DPP10: variants seen among roughly 807,000 people sequenced by gnomAD.
DPP10 encodes inactive dipeptidyl peptidase 10.
Under a neutral mutation model 120.9 loss-of-function variants are expected in DPP10, and 33 were observed. That is an observed-to-expected ratio of 0.27 (90% CI 0.21 to 0.37). The LOEUF (loss-of-function observed/expected upper bound fraction) is 0.37, where lower values mean the gene tolerates loss of function less well. Among genes scored for constraint, DPP10 ranks in the 10% least tolerant of loss-of-function variants. The pLI is 1.00. For synonymous variants in DPP10, 337 were observed against 326.1 expected, an observed-to-expected ratio of 1.03 and a Z score of -0.36; for missense variants, 816 against 942.8, an observed-to-expected ratio of 0.87 and a Z score of 1.76.
intron 1 of DPP10, among the ~76,000 whole-genome samples, chr2:115,044,928 A>G (rs1704946084): frequency 6.6e-6 from 1 of 152,130 alleles, no homozygotes; most frequent in Non-Finnish European, 1.5e-5. Flanking sequence ...AGTTCCATCT[A>G]TGTTGTTGCA....
chr2:115,623,891 TTG>T (rs1308170896), intron 5 of DPP10, among the ~76,000 whole-genome samples: 1 of 147,442 alleles, frequency 6.8e-6, no homozygotes, highest in East Asian at 1.9e-4. Context: ...ACATAGAACA[TTG>T]TTGGTCAAGA....
At chr2:115,077,607 A>G (rs1390571923) in intron 1 of DPP10, among the ~76,000 whole-genome samples, 1 of 152,232 alleles carries the variant, frequency 6.6e-6, no homozygotes, top group African/African-American at 2.4e-5. Context: ...ATGAATCCTA[A>G]AGAGGTGAAA....
rs1374317856 is a variant in DPP10, at chr2:114,663,664, T to TAGAGAGAGAGAG, written c.60+220827_60+220828insGAGAGAGAGAGA. ...AGATATATATATATATATATATATATATATAGAGAGAGAGAGAGAGAGAGA... is the reference window on the plus strand; with the variant it reads ...AGATATATATATATATATATATATATAGAGAGAGAGAGATATAGAGAGAGAGAGAGAGAGAGA... On this transcript the variant is annotated intron_variant, in intron 1 of 25. Coordinates refer to ENST00000410059, the MANE Select transcript of DPP10 (RefSeq NM_020868.6). Among the ~76,000 whole-genome samples the TAGAGAGAGAGAG allele has an allele frequency of 4.6e-3, 436 of 95,336 alleles. 1 individual carries two copies. Among genetic ancestry groups the TAGAGAGAGAGAG allele is most frequent in the Middle Eastern group, 5.6e-3 (1 of 178 alleles). The allele number at this position is 95,336 out of a possible 152,430, so 62.5% of individuals were successfully genotyped here.
chr2:115,024,877 A>G (rs569098523), intron 1 of DPP10, among the ~76,000 whole-genome samples: 42 of 149,252 alleles, frequency 2.8e-4, no homozygotes, highest in African/African-American at 1.0e-3. Context: ...GAGGTTATGT[A>G]TATTCCAATT....
chr2:114,837,163 G>T (rs1014688704), intron 1 of DPP10, among the ~76,000 whole-genome samples: 2 of 152,160 alleles, frequency 1.3e-5, no homozygotes, highest in African/African-American at 4.8e-5. Flanking sequence ...AATCACAAGG[G>T]TATTGATTGG....
rs866908269 is a variant in DPP10, at chr2:115,805,861, C to T, written c.1701-8932C>T. ...AAGTGCTGGGATTACAGGTGTGAGC[C>T]GCCGCGCCCGGCACTTCCTGTGCTT... On this transcript the variant is annotated intron_variant, in intron 19 of 25. Transcript: ENST00000410059. Among the ~76,000 whole-genome samples, 7 of 152,202 alleles carry T rather than the reference C, an allele frequency of 4.6e-5. No individual in the cohort carries two copies. The South Asian group carries it at 8.3e-4, about 18-fold the overall frequency.
chr2:115,800,755 G>T (rs992766568), intron 19 of DPP10, among the ~76,000 whole-genome samples: 2 of 152,072 alleles, frequency 1.3e-5, no homozygotes, highest in Non-Finnish European at 2.9e-5. Flanking sequence ...TAGATATACG[G>T]CATTATTTCT....
chr2:115,382,009 T>G (rs991516312), intron 3 of DPP10, among the ~76,000 whole-genome samples: 2 of 152,204 alleles, frequency 1.3e-5, no homozygotes, highest in Non-Finnish European at 2.9e-5. Context: ...TCTTTTTGTT[T>G]GTCTGTGCCC....
At chr2:114,736,826 G>A (rs1256089145) in intron 1 of DPP10, among the ~76,000 whole-genome samples, 2 of 152,134 alleles carry the variant, frequency 1.3e-5, no homozygotes, top group African/African-American at 2.4e-5. Context: ...ATGTACTCAG[G>A]CCTTAAGAGA....
chr2:115,091,078 T>C (rs1337361151), intron 1 of DPP10, among the ~76,000 whole-genome samples: 1 of 152,158 alleles, frequency 6.6e-6, no homozygotes, highest in East Asian at 1.9e-4. Flanking sequence ...CACAACAATG[T>C]TCTGTGATAT....
intron 1 of DPP10, among the ~76,000 whole-genome samples, chr2:114,565,700 C>A (rs1689142420): frequency 6.6e-6 from 1 of 152,232 alleles, no homozygotes; most frequent in Non-Finnish European, 1.5e-5. Flanking sequence ...TTCCTATCCC[C>A]AGGAGGCTTG....
intron 3 of DPP10, among the ~76,000 whole-genome samples, chr2:115,484,698 CT>C (rs1457310823): frequency 6.6e-6 from 1 of 152,060 alleles, no homozygotes; most frequent in Non-Finnish European, 1.5e-5. Flanking sequence ...AGTCATGCCC[CT>C]GATGACAACA....
At chr2:114,967,032 A>C (rs1251762687) in intron 1 of DPP10, among the ~76,000 whole-genome samples, 1 of 152,140 alleles carries the variant, frequency 6.6e-6, no homozygotes, top group East Asian at 1.9e-4. Flanking sequence ...ACCACAGCAA[A>C]ACTCGGTCCC....
chr2:114,522,581 T>C (rs1420492536), intron 1 of DPP10, among the ~76,000 whole-genome samples: 3 of 152,192 alleles, frequency 2.0e-5, no homozygotes, highest in Non-Finnish European at 2.9e-5. Flanking sequence ...TATTTTTCAA[T>C]AATTATATAA....
At chr2:115,588,085 A>G (rs1186013617) in intron 5 of DPP10, among the ~76,000 whole-genome samples, 1 of 152,202 alleles carries the variant, frequency 6.6e-6, no homozygotes, top group African/African-American at 2.4e-5. Flanking sequence ...ATGCTTTTGG[A>G]AAAGGAATAT....
intron 1 of DPP10, among the ~76,000 whole-genome samples, chr2:114,596,207 A>G (rs1273518332): frequency 6.6e-6 from 1 of 151,946 alleles, no homozygotes; most frequent in Non-Finnish European, 1.5e-5. Flanking sequence ...TTGTGGAGGA[A>G]TTGCTTCTGC....
intron 1 of DPP10, among the ~76,000 whole-genome samples, chr2:114,549,160 T>C (rs1046356925): frequency 1.3e-5 from 2 of 151,866 alleles, no homozygotes; most frequent in Non-Finnish European, 2.9e-5. Flanking sequence ...AGCGTGCACA[T>C]GCATGCCGGG....
intron 1 of DPP10, among the ~76,000 whole-genome samples, chr2:115,189,758 C>T (rs565892725): frequency 6.4e-4 from 97 of 152,244 alleles, no homozygotes; most frequent in Middle Eastern, 6.8e-3. Flanking sequence ...TATGAGTCTG[C>T]GCCCCAGCCC....
intron 1 of DPP10, among the ~76,000 whole-genome samples, chr2:115,081,939 C>T (rs1471873132): frequency 6.6e-6 from 1 of 152,136 alleles, no homozygotes; most frequent in Non-Finnish European, 1.5e-5. Flanking sequence ...CAGAAGGCCT[C>T]TGCTAGGAAA....
Sources: gnomAD v4.1 joint callset for allele counts (sites outside exome capture counted in the v4.1 genomes callset) on GRCh38, gnomAD v4.1.1 for gene constraint, MANE v1.5 for transcripts, NCBI Gene and HGNC (gene_info 2026-07-23, HGNC 2026-07-21) for gene names.